The following TBX19 variants were observed in gnomAD, a reference collection of about 807,000 sequenced individuals.
TBX19 encodes the protein T-box transcription factor 19, also known as T-box transcription factor TBX19.
Under a neutral mutation model 40.9 loss-of-function variants are expected in TBX19, and 33 were observed. The observed-to-expected ratio is 0.81, with a 90% CI of 0.61 to 1.08. TBX19 has a LOEUF of 1.08. Among genes scored for constraint, TBX19 ranks in the 50% least tolerant of loss-of-function variants. TBX19 has a pLI of 0.00. For synonymous variants in TBX19, 220 were observed against 225.0 expected (o/e 0.98, Z 0.20); for missense variants, 494 against 574.0 (o/e 0.86, Z 1.42).
intron 5 of TBX19, among the ~76,000 whole-genome samples, chr1:168,304,614 T>G (rs763148252): frequency 3.9e-5 from 6 of 152,212 alleles, no homozygotes; most frequent in Non-Finnish European, 7.3e-5. Flanking sequence ...TTTCATTAGC[T>G]TTACAAAGGC....
At chr1:168,284,900 A>G (rs1309797778) in intron 1 of TBX19, among the ~76,000 whole-genome samples, 1 of 151,866 alleles carries the variant, frequency 6.6e-6, no homozygotes, top group Non-Finnish European at 1.5e-5. Context: ...CTAAGTTTAA[A>G]TTTGCCGATT....
chr1:168,282,429 A>G (rs892324730), intron 1 of TBX19, among the ~76,000 whole-genome samples: 3 of 152,236 alleles, frequency 2.0e-5, no homozygotes, highest in Non-Finnish European at 4.4e-5. Flanking sequence ...AATGAAAGCC[A>G]TACCTGAATT....
chr1:168,311,243 T>C (rs1440637507), intron 7 of TBX19, among the ~76,000 whole-genome samples: 1 of 151,942 alleles, frequency 6.6e-6, no homozygotes, highest in Non-Finnish European at 1.5e-5. Flanking sequence ...CATATATAAG[T>C]CATCTGTAGT....
chr1:168,302,545 T>A (rs1649304457), intron 5 of TBX19, among the ~76,000 whole-genome samples: 1 of 152,134 alleles, frequency 6.6e-6, no homozygotes, highest in Non-Finnish European at 1.5e-5. Flanking sequence ...AGTCTCAGTC[T>A]TTGCCCATAA....
chr1:168,283,633 T>C (rs1648729130), intron 1 of TBX19, among the ~76,000 whole-genome samples: 1 of 152,216 alleles, frequency 6.6e-6, no homozygotes, highest in Non-Finnish European at 1.5e-5. Flanking sequence ...TTCTCCTATG[T>C]CTATAGACTC....
chr1:168,289,881 T>C (rs1397114180), intron 1 of TBX19, among the ~76,000 whole-genome samples: 1 of 152,218 alleles, frequency 6.6e-6, no homozygotes, highest in Non-Finnish European at 1.5e-5. Flanking sequence ...TTCTCTGTGC[T>C]GTTTTTCTGG....
At chr1:168,286,944 C>T (rs1354621805) in intron 1 of TBX19, among the ~76,000 whole-genome samples, 1 of 152,202 alleles carries the variant, frequency 6.6e-6, no homozygotes, top group East Asian at 1.9e-4. Context: ...AGTGGCATCT[C>T]ACTGTGGTTT....
chr1:168,313,342 G>A lies in TBX19; in HGVS notation c.*340G>A. ...CCTCACTTCCTTTTCTGTGGAGAAG[G>A]TGCAAAGCTGTTAAATGAGCTCAGA... On this transcript the variant is annotated 3_prime_UTR_variant, in exon 8 of 8. Transcript: ENST00000367821. 2 of 380,356 alleles carry A rather than the reference G, an allele frequency of 5.3e-6. 1 individual carries two copies. The highest frequency in any genetic ancestry group is 9.9e-6 in the Non-Finnish European group (2 of 202,342). 23.6% of individuals were successfully genotyped at this position (380,356 alleles called of 1,614,324 possible).
At chr1:168,310,675 A>ATAT (rs1649497611) in intron 7 of TBX19, among the ~76,000 whole-genome samples, 1 of 145,606 alleles carries the variant, frequency 6.9e-6, no homozygotes, top group African/African-American at 2.6e-5. Flanking sequence ...TATATATATA[A>ATAT]AAAAATATAA....
At chr1:168,294,213 T>C (rs551191893) in intron 3 of TBX19, among the ~76,000 whole-genome samples, 1 of 152,362 alleles carries the variant, frequency 6.6e-6, no homozygotes, top group South Asian at 2.1e-4. Context: ...ATTACCTTTC[T>C]ATGTAATTAT....
At chr1:168,295,073 A>G (rs796681854) in intron 3 of TBX19, among the ~76,000 whole-genome samples, 5 of 152,122 alleles carry the variant, frequency 3.3e-5, no homozygotes, top group African/African-American at 1.2e-4. Context: ...CGGGCAGATC[A>G]TGAGGTCAGG....
chr1:168,281,389 G>C, intron 1 of TBX19, 96 bp downstream of exon 1: 1 of 1,176,584 alleles, frequency 8.5e-7, no homozygotes, highest in Non-Finnish European at 1.3e-6. Context: ...TCACTCAGAG[G>C]CGGCGGGATC....
chr1:168,300,537 C>T lies in TBX19; in HGVS notation c.727+54C>T. ...TGCGTGGGGCTGTACCTGGAGCCAG[C>T]TCCTTCCACACTCAGACTCTTTGCC... On this transcript the variant is annotated intron_variant, in intron 5 of 7. Coordinates refer to ENST00000367821, the MANE Select transcript of TBX19 (RefSeq NM_005149.3). 2.6e-6 allele frequency: 4 copies of T among 1,524,282 alleles called. No individual in the cohort carries two copies. In the South Asian group the frequency reaches 3.4e-5, roughly 13 times the overall value. The allele number at this position is 1,524,282 out of a possible 1,614,324, so 94.4% of individuals were successfully genotyped here.
At chr1:168,295,226 G>T (rs1649071180) in intron 3 of TBX19, among the ~76,000 whole-genome samples, 2 of 152,072 alleles carry the variant, frequency 1.3e-5, no homozygotes, top group South Asian at 4.1e-4. Context: ...GGGAGGCGGA[G>T]GTTGCAGTGA....
chr1:168,305,478 C>T (rs1425212297), intron 6 of TBX19, among the ~76,000 whole-genome samples: 1 of 152,170 alleles, frequency 6.6e-6, no homozygotes, highest in Admixed American at 6.5e-5. Flanking sequence ...CACTGATATT[C>T]TGAGCAGTTC....
Position 168,312,913 on chromosome 1 carries a change from A to C in TBX19, c.1258A>C (p.Thr420Pro). 6.2e-7 allele frequency: 1 copy of C among 1,614,196 alleles called. No individual in the cohort carries two copies. Among genetic ancestry groups the C allele is most frequent in the Non-Finnish European group, 8.5e-7 (1 of 1,180,042 alleles). ...CTCGCTAACCAGCATTGCTGTGTCCACCTGGACAGCAGTGGCCTCGCATCC... is the reference window on the plus strand; with the variant it reads ...CTCGCTAACCAGCATTGCTGTGTCCCCCTGGACAGCAGTGGCCTCGCATCC... ...EPSLTSIAVS[T>P]WTAVASHPFA... Residue 420 changes from threonine (T) to proline (P), a missense_variant, in exon 8 of 8, where the codon ACC becomes CCC. Thr to Pro is a conservative substitution (Grantham distance 38). Coordinates refer to ENST00000367821, the MANE Select transcript of TBX19 (RefSeq NM_005149.3).
At chr1:168,286,667 T>G (rs1186850663) in intron 1 of TBX19, among the ~76,000 whole-genome samples, 1 of 152,260 alleles carries the variant, frequency 6.6e-6, no homozygotes, top group African/African-American at 2.4e-5. Context: ...TTAGCTATTA[T>G]GCATAATGTT....
chr1:168,304,984 G>T (rs766941841), intron 5 of TBX19, 24 bp from the exon 6 acceptor site: 3 of 1,612,190 alleles, frequency 1.9e-6, no homozygotes, highest in Non-Finnish European at 2.5e-6. Flanking sequence ...CTCAGTCTTG[G>T]TGTATTCCTC....
chr1:168,307,849 T>C (rs1443934714), intron 6 of TBX19, among the ~76,000 whole-genome samples: 2 of 152,202 alleles, frequency 1.3e-5, no homozygotes, highest in East Asian at 3.8e-4. Context: ...TCTCCTCACA[T>C]AGTTACTTTT....
Sources: gnomAD v4.1 joint callset for allele counts (sites outside exome capture counted in the v4.1 genomes callset) on GRCh38, gnomAD v4.1.1 for gene constraint, MANE v1.5 for transcripts, NCBI Gene and HGNC (gene_info 2026-07-23, HGNC 2026-07-21) for gene names.